The following ATP8A2 variants were observed in gnomAD, a reference collection of about 807,000 sequenced individuals.
ATP8A2 encodes the protein ATPase phospholipid transporting 8A2.
In ATP8A2, 100 loss-of-function variants were observed where a neutral mutation model predicts 165.6. The observed-to-expected ratio is 0.60, with a 90% CI of 0.51 to 0.71. ATP8A2 has a LOEUF of 0.71. Among genes scored for constraint, ATP8A2 ranks in the 30% least tolerant of loss-of-function variants. The pLI, the probability that ATP8A2 is intolerant of heterozygous loss-of-function variation, is 0.00. For missense variants in ATP8A2, 1,227 were observed against 1,479.5 expected, an observed-to-expected ratio of 0.83 and a Z score of 2.80; for synonymous variants, 543 against 548.8, an observed-to-expected ratio of 0.99 and a Z score of 0.15.
chr13:25,426,999 A>T (rs1373288030), intron 1 of ATP8A2, among the ~76,000 whole-genome samples: 2 of 152,178 alleles, frequency 1.3e-5, no homozygotes, highest in East Asian at 3.8e-4. Flanking sequence ...CATCACTTGT[A>T]ACAAATGTAA....
chr13:25,529,687 C>T (rs1397027153), intron 2 of ATP8A2, among the ~76,000 whole-genome samples: 2 of 152,168 alleles, frequency 1.3e-5, no homozygotes, highest in African/African-American at 2.4e-5. Flanking sequence ...GTTATTCACA[C>T]GCCTGCTGTT....
At chr13:25,774,159 CAA>C (rs2044688457) in intron 26 of ATP8A2, among the ~76,000 whole-genome samples, 1 of 152,046 alleles carries the variant, frequency 6.6e-6, no homozygotes, top group South Asian at 2.1e-4. Flanking sequence ...GGAATCAACC[CAA>C]ATGTCCATCC....
rs1475703867 is a variant in ATP8A2 at position 25,574,804 on chromosome 13, T to C, written c.1663-4T>C. On this transcript the variant is annotated splice_polypyrimidine_tract_variant and splice_region_variant and intron_variant, in intron 18 of 36. Coordinates refer to ENST00000381655, the MANE Select transcript of ATP8A2 (RefSeq NM_016529.6). ...CGGTTAAGAGCCTATTTTTCTTCCT[T>C]TAGATGGGACAGGAACAAACATTCG... 6.4e-7 allele frequency: 1 copy of C among 1,551,450 alleles called. No homozygotes were observed. Among genetic ancestry groups the C allele is most frequent in the Admixed American group, 1.7e-5 (1 of 59,348 alleles).
rs1165647133 is a variant in ATP8A2 at position 25,554,980 on chromosome 13, C to G, written c.1186-11C>G. 1 of 1,555,260 alleles carries G rather than the reference C, an allele frequency of 6.4e-7. No homozygotes were observed. The highest frequency in any genetic ancestry group is 8.8e-7 in the Non-Finnish European group (1 of 1,130,896). ...TTTCTGAAATCCTGTCTCTTGTTCTCTCTCTCTCAGGACACAGATATGTAT... is the reference window on the plus strand; with the variant it reads ...TTTCTGAAATCCTGTCTCTTGTTCTGTCTCTCTCAGGACACAGATATGTAT... On this transcript the variant is annotated splice_polypyrimidine_tract_variant and intron_variant, in intron 12 of 36. Transcript: ENST00000381655.
intron 1 of ATP8A2, among the ~76,000 whole-genome samples, chr13:25,415,819 C>T (rs1478007027): frequency 1.3e-5 from 2 of 152,010 alleles, no homozygotes; most frequent in African/African-American, 4.8e-5. Context: ...TCACTTGGTC[C>T]CTCTCTATCC....
At chr13:25,564,451 G>A (rs1046917700) in intron 16 of ATP8A2, among the ~76,000 whole-genome samples, 11 of 152,184 alleles carry the variant, frequency 7.2e-5, no homozygotes, top group African/African-American at 2.2e-4. Context: ...GCATTCTACT[G>A]TGTGCCAGGC....
intron 25 of ATP8A2, among the ~76,000 whole-genome samples, chr13:25,717,238 T>C (rs1203486083): frequency 1.3e-5 from 2 of 151,988 alleles, no homozygotes; most frequent in Non-Finnish European, 2.9e-5. Context: ...GTGGTCTAGA[T>C]GTAAAATTGG....
chr13:25,523,989 G>A (rs2037754152), intron 2 of ATP8A2, among the ~76,000 whole-genome samples: 1 of 151,922 alleles, frequency 6.6e-6, no homozygotes, highest in Non-Finnish European at 1.5e-5. Context: ...TGATGTAGGT[G>A]TTTATTACTG....
At chr13:25,938,706 G>C (rs1055389455) in intron 33 of ATP8A2, among the ~76,000 whole-genome samples, 1 of 152,228 alleles carries the variant, frequency 6.6e-6, no homozygotes, top group Non-Finnish European at 1.5e-5. Flanking sequence ...GATTCAAAGA[G>C]TGTTCTCCAG....
At position 25,660,936 on chromosome 13, in the gene ATP8A2, C is replaced by G. The variant is rs890991173; in HGVS notation, c.2212-38237C>G. On this transcript the variant is annotated intron_variant, in intron 24 of 36. Transcript: ENST00000381655. ...AGCAGTGCAGACTTTATTCGATGGT[C>G]ATGGAATGGAGAAGTGGGAGCGTAG... 5.3e-5 allele frequency among the ~76,000 whole-genome samples: 8 copies of G among 152,234 alleles called. 1 individual carries two copies. The highest frequency in any genetic ancestry group is 2.1e-4 in the South Asian group (1 of 4,818).
chr13:25,936,465 C>T lies in ATP8A2; in HGVS notation c.3184-25110C>T, dbSNP rs182458424. 1.1e-4 allele frequency among the ~76,000 whole-genome samples: 17 copies of T among 152,278 alleles called. No individual in the cohort carries two copies. The East Asian group carries it at 1.5e-3, about 14-fold the overall frequency. On this transcript the variant is annotated intron_variant, in intron 33 of 36. Coordinates refer to ENST00000381655, the MANE Select transcript of ATP8A2 (RefSeq NM_016529.6). ...GCCTCAATGGGCCTGCGTATCAGGA[C>T]GCAAAACAAATGTTTTCCAGGTATC...
At chr13:25,769,350 C>A in intron 26 of ATP8A2, 121 bp downstream of exon 26, 1 of 908,172 alleles carries the variant, frequency 1.1e-6, no homozygotes, top group South Asian at 1.7e-5. Context: ...AGGTTGCTGT[C>A]TAGATGAAAC....
chr13:26,000,026 C>A (rs1319912719), intron 35 of ATP8A2, among the ~76,000 whole-genome samples: 1 of 152,058 alleles, frequency 6.6e-6, no homozygotes, highest in Non-Finnish European at 1.5e-5. Context: ...ACACTTGAGC[C>A]CCGAAGGTTT....
chr13:25,978,977 T>TA lies in ATP8A2; in HGVS notation c.3377+10299dup, dbSNP rs554238277. Among the ~76,000 whole-genome samples, 27 of 152,042 alleles carry TA rather than the reference T, an allele frequency of 1.8e-4. No individual in the cohort carries two copies. The South Asian group carries it at 5.2e-3, about 29-fold the overall frequency. On this transcript the variant is annotated intron_variant, in intron 35 of 36. Coordinates refer to ENST00000381655, the MANE Select transcript of ATP8A2 (RefSeq NM_016529.6). ...CTCAGGAGAAATGCTGGATGTTTTT[T>TA]ATTCATATTTGATGGCTGCTTTTGC...
intron 1 of ATP8A2, among the ~76,000 whole-genome samples, chr13:25,417,652 A>G (rs9581339): frequency 0.27 from 40,591 of 152,080 alleles, 5,634 homozygotes; most frequent in East Asian, 0.46. Context: ...CTGGAAGTTT[A>G]TTTACAGTAG....
intron 2 of ATP8A2, among the ~76,000 whole-genome samples, chr13:25,470,178 T>C (rs1194673353): frequency 1.3e-5 from 2 of 152,236 alleles, no homozygotes; most frequent in Non-Finnish European, 2.9e-5. Flanking sequence ...TTGGACATTA[T>C]TGGGGTAGAA....
intron 4 of ATP8A2, among the ~76,000 whole-genome samples, chr13:25,531,187 TATATATGTTATATATG>T (rs1371204642): frequency 1.8e-3 from 254 of 140,222 alleles, no homozygotes; most frequent in Non-Finnish European, 3.0e-3. Context: ...ATATATATGT[TATATATGTTATATATG>T]ATATATGTTA....
At chr13:25,811,717 C>T (rs986649305) in intron 27 of ATP8A2, among the ~76,000 whole-genome samples, 1 of 152,062 alleles carries the variant, frequency 6.6e-6, no homozygotes, top group African/African-American at 2.4e-5. Flanking sequence ...AAAAATTAGC[C>T]AGGCGTGGTG....
intron 6 of ATP8A2, among the ~76,000 whole-genome samples, chr13:25,534,933 C>T (rs1243206730): frequency 6.6e-6 from 1 of 152,150 alleles, no homozygotes; most frequent in Non-Finnish European, 1.5e-5. Flanking sequence ...AGGCTGATGC[C>T]GATGGTGTAG....
Sources: gnomAD v4.1 joint callset for allele counts (sites outside exome capture counted in the v4.1 genomes callset) on GRCh38, gnomAD v4.1.1 for gene constraint, MANE v1.5 for transcripts, NCBI Gene and HGNC (gene_info 2026-07-23, HGNC 2026-07-21) for gene names.